MS4A6A: variants seen among roughly 807,000 people sequenced by gnomAD.
The protein encoded by MS4A6A is membrane spanning 4-domains A6A, also known as membrane-spanning 4-domains subfamily A member 6A.
Under a neutral mutation model 20.6 loss-of-function variants are expected in MS4A6A, and 19 were observed. The observed-to-expected ratio is 0.92, with a 90% CI of 0.64 to 1.36. MS4A6A has a LOEUF of 1.36. MS4A6A is among the 40% of genes most tolerant of loss of function. MS4A6A has a pLI of 0.00. For synonymous variants in MS4A6A, 108 were observed against 105.0 expected (o/e 1.03, Z -0.17); for missense variants, 272 against 261.1 (o/e 1.04, Z -0.29).
chr11:60,176,559 G>A (rs7924728), intron 4 of MS4A6A, among the ~76,000 whole-genome samples: 1,628 of 152,042 alleles, frequency 0.011, 20 homozygotes, highest in African/African-American at 0.037. Context: ...TAGGCTCCAG[G>A]GCACACCTCA....
intron 1 of MS4A6A, 130 bp from the exon 2 acceptor site, chr11:60,181,871 T>A: frequency 3.5e-6 from 3 of 864,070 alleles, no homozygotes; most frequent in Non-Finnish European, 5.4e-6. Context: ...AAACTGATAG[T>A]ATGGAACAGT....
chr11:60,179,213 A>G (rs532397662), intron 3 of MS4A6A, among the ~76,000 whole-genome samples: 2 of 152,334 alleles, frequency 1.3e-5, no homozygotes, highest in South Asian at 4.1e-4. Context: ...AGGGAAACTT[A>G]CCTATGAGAA....
downstream of MS4A6A, chr11:60,172,197 C>A: frequency 6.2e-7 from 1 of 1,613,448 alleles, no homozygotes; most frequent in South Asian, 1.1e-5. Flanking sequence ...AGTCATGAGT[C>A]ATTTTTGAGG....
At chr11:60,183,354 C>G, upstream of MS4A6A, 1 of 593,382 alleles carries the variant, frequency 1.7e-6, no homozygotes, top group Non-Finnish European at 2.9e-6. Context: ...GGAGCAATAC[C>G]AACACTGGAG....
intron 4 of MS4A6A, among the ~76,000 whole-genome samples, chr11:60,175,831 C>T (rs1026664860): frequency 6.6e-6 from 1 of 152,164 alleles, no homozygotes; most frequent in African/African-American, 2.4e-5. Flanking sequence ...TCACCTTAAG[C>T]AGGACCTCAG....
downstream of MS4A6A, chr11:60,172,287 T>A (rs565749571): frequency 1.9e-6 from 3 of 1,605,250 alleles, no homozygotes; most frequent in African/African-American, 1.4e-5. Context: ...GTCTTCAGAC[T>A]TCAATCAGGT....
At chr11:60,181,956 A>G (rs1446424477) in intron 1 of MS4A6A, among the ~76,000 whole-genome samples, 1 of 152,220 alleles carries the variant, frequency 6.6e-6, no homozygotes, top group East Asian at 1.9e-4. Flanking sequence ...TAATAAACAC[A>G]TCACAGGGTG....
In MS4A6A at chr11:60,172,860, A is replaced by T; in HGVS notation, c.*141T>A. On this transcript the variant is annotated 3_prime_UTR_variant, in exon 6 of 6. Transcript: ENST00000528851. ...GAATTTTCAGCTTATCAGCTACTCA[A>T]TTGCCATCTGCTTTTCTTCTCTGTC... is the stretch of plus-strand genomic sequence containing the variant. 6.8e-7 allele frequency: 1 copy of T among 1,477,310 alleles called. No individual in the cohort carries two copies. Among genetic ancestry groups the T allele is most frequent in the Non-Finnish European group, 9.0e-7 (1 of 1,111,294 alleles). 91.5% of individuals were successfully genotyped at this position (1,477,310 alleles called of 1,614,324 possible). A position where few individuals can be genotyped will look rare whatever the true frequency, so the allele number is the denominator to read the frequency against.
At chr11:60,184,349 CAG>C (rs1409271783), upstream of MS4A6A, 1 of 152,284 alleles carries the variant, frequency 6.6e-6, no homozygotes, top group Non-Finnish European at 1.5e-5. Flanking sequence ...TCCTCTTTCG[CAG>C]AGTGCCGTCT....
In MS4A6A at chr11:60,173,096, G is replaced by A. The variant is rs1218948624; in HGVS notation, c.583C>T (p.Leu195=). ...GTGAGCACAGCTAGGCAGAATTCCA[G>A]CAGAGTGCAAATCAGCATCAGAGAG... ...TLSLMLICTL[L]EFCLAVLTAV... Residue 195 remains leucine (L), a synonymous_variant, in exon 6 of 6, where the codon CTG becomes TTG. Coordinates refer to ENST00000528851, the MANE Select transcript of MS4A6A (RefSeq NM_022349.4). 3 of 1,614,076 alleles carry A rather than the reference G, an allele frequency of 1.9e-6. No individual in the cohort carries two copies. The highest frequency in any genetic ancestry group is 2.2e-5 in the East Asian group (1 of 44,880).
intron 2 of MS4A6A, chr11:60,180,190 G>A (rs1857059903): frequency 3.5e-6 from 2 of 571,132 alleles, no homozygotes; most frequent in African/African-American, 1.9e-5. Flanking sequence ...TGCTCAGGAA[G>A]GCTTCTGCAT....
intron 4 of MS4A6A, among the ~76,000 whole-genome samples, chr11:60,176,118 C>T (rs572736083): frequency 5.3e-5 from 8 of 152,322 alleles, no homozygotes; most frequent in South Asian, 2.1e-4. Flanking sequence ...AGCTCACTCT[C>T]GCCTGCCCAT....
At chr11:60,174,795 C>T (rs1467410110) in intron 5 of MS4A6A, among the ~76,000 whole-genome samples, 2 of 152,196 alleles carry the variant, frequency 1.3e-5, no homozygotes, top group Non-Finnish European at 2.9e-5. Context: ...CTCTCCATCT[C>T]CCTATATTTC....
At chr11:60,173,854 C>T (rs1360865805) in intron 5 of MS4A6A, among the ~76,000 whole-genome samples, 1 of 152,158 alleles carries the variant, frequency 6.6e-6, no homozygotes, top group Non-Finnish European at 1.5e-5. Context: ...TGTCCTGAGA[C>T]ATTCTTTGTG....
At chr11:60,183,759 C>T (rs2083848786), upstream of MS4A6A, 1 of 152,466 alleles carries the variant, frequency 6.6e-6, no homozygotes, top group South Asian at 2.1e-4. Flanking sequence ...CTCTTTTTCT[C>T]TAACAACAGA....
chr11:60,177,811 T>C (rs1856924120), intron 4 of MS4A6A, among the ~76,000 whole-genome samples: 1 of 152,140 alleles, frequency 6.6e-6, no homozygotes, highest in Non-Finnish European at 1.5e-5. Context: ...GTAGCCTCTG[T>C]GTCTACTTTG....
At chr11:60,179,504 T>G in intron 3 of MS4A6A, 1 of 582,510 alleles carries the variant, frequency 1.7e-6, no homozygotes, top group Non-Finnish European at 3.0e-6. Flanking sequence ...TTTTTTTTTG[T>G]ATAAAATGTT....
intron 3 of MS4A6A, chr11:60,178,879 T>A (rs1248039824): frequency 7.1e-6 from 3 of 425,134 alleles, no homozygotes; most frequent in Admixed American, 5.8e-5. Flanking sequence ...GAACATTCTA[T>A]AAAAATCTCA....
intron 5 of MS4A6A, 120 bp from the exon 6 acceptor site, chr11:60,173,249 C>T: frequency 1.2e-6 from 1 of 845,456 alleles, no homozygotes; most frequent in East Asian, 2.6e-5. Context: ...AGAAAGGACA[C>T]CATCAGGAAG....
Sources: gnomAD v4.1 joint callset for allele counts (sites outside exome capture counted in the v4.1 genomes callset) on GRCh38, gnomAD v4.1.1 for gene constraint, MANE v1.5 for transcripts, NCBI Gene and HGNC (gene_info 2026-07-23, HGNC 2026-07-21) for gene names.